Variants in RAPGEF1 observed in about 807,000 individuals in gnomAD.
RAPGEF1 encodes the protein CRK SH3-binding GNRP.
In RAPGEF1, 33 loss-of-function variants were observed where a neutral mutation model predicts 143.3. The ratio of observed to expected loss-of-function variants is 0.23; its 90% CI spans 0.17 to 0.31. The LOEUF is 0.31. RAPGEF1 is among the 10% of genes least tolerant of loss of function. RAPGEF1 has a pLI of 1.00. For synonymous variants in RAPGEF1, 629 were observed against 676.5 expected (o/e 0.93, Z 1.09); for missense variants, 1,199 against 1,645.4 (o/e 0.73, Z 4.69).
chr9:131,633,931 G>A (rs960405500), intron 5 of RAPGEF1, among the ~76,000 whole-genome samples: 3 of 152,218 alleles, frequency 2.0e-5, no homozygotes, highest in African/African-American at 7.2e-5. Context: ...TGAGAGGGAT[G>A]TCAGACTTTT....
At chr9:131,724,362 G>T (rs1315409931) in intron 1 of RAPGEF1, among the ~76,000 whole-genome samples, 3 of 152,308 alleles carry the variant, frequency 2.0e-5, no homozygotes, top group East Asian at 3.9e-4. Flanking sequence ...TTGGGAGGCC[G>T]AGGCAGGTGG....
chr9:131,677,976 C>T (rs1448596158), intron 1 of RAPGEF1, among the ~76,000 whole-genome samples: 1 of 152,222 alleles, frequency 6.6e-6, no homozygotes, highest in Non-Finnish European at 1.5e-5. Flanking sequence ...CACAGGTCAA[C>T]AAGCTCTTGT....
At chr9:131,720,039 C>G (rs1019167945) in intron 1 of RAPGEF1, among the ~76,000 whole-genome samples, 1 of 152,134 alleles carries the variant, frequency 6.6e-6, no homozygotes, top group Non-Finnish European at 1.5e-5. Context: ...GCATGGGCCA[C>G]CACACCCAGC....
chr9:131,621,965 G>A lies in RAPGEF1; in HGVS notation c.1736C>T (p.Ser579Leu), dbSNP rs769467724. The stretch of plus-strand genomic sequence containing the variant: ...GTAGAACATAGAGGGCTGCGGCTCC[G>A]AGTAGTCCTCCAGCAACTGCATGTA... ...LAYMQLLEDY[S>L]EPQPSMFYQT... is the part of the protein sequence containing the mutation. Residue 579 changes from serine to leucine, a missense_variant, in exon 11 of 27, where the codon TCG becomes TTG. Around this residue, in one of 6 missense-constraint regions of RAPGEF1, gnomAD observed 16 missense variants for 52.7 expected, o/e 0.30. Coordinates refer to ENST00000683357, the MANE Select transcript of RAPGEF1 (RefSeq NM_001377935.1). The surrounding 1 kb of genome is among the most constrained non-coding windows in gnomAD (Gnocchi z 4.5). 2.5e-6 allele frequency: 4 copies of A among 1,613,476 alleles called. No individual in the cohort carries two copies. The highest frequency in any genetic ancestry group is 1.7e-5 in the Admixed American group (1 of 59,932).
chr9:131,675,010 G>A lies in RAPGEF1; in HGVS notation c.62-24061C>T, dbSNP rs760391519. Among the ~76,000 whole-genome samples the A allele has an allele frequency of 1.3e-5, 2 of 152,158 alleles. No individual in the cohort carries two copies. Among genetic ancestry groups the A allele is most frequent in the African/African-American group, 2.4e-5 (1 of 41,418 alleles). On this transcript the variant is annotated intron_variant, in intron 1 of 26. Coordinates refer to ENST00000683357, the MANE Select transcript of RAPGEF1 (RefSeq NM_001377935.1). The surrounding 1 kb of genome is among the most constrained non-coding windows in gnomAD (Gnocchi z 4.6). The stretch of plus-strand genomic sequence containing the variant: ...ACTCCTGGGATGTGCAGGGACACTG[G>A]GGGGTTCTGGAGGAGCAGCTGGGAG...
intron 1 of RAPGEF1, among the ~76,000 whole-genome samples, chr9:131,695,281 A>G (rs1336191127): frequency 6.6e-6 from 1 of 152,166 alleles, no homozygotes; most frequent in Non-Finnish European, 1.5e-5. Context: ...AATCCCCGCC[A>G]ATGATTAGAA....
intron 1 of RAPGEF1, among the ~76,000 whole-genome samples, chr9:131,664,676 G>A (rs968657588): frequency 2.6e-5 from 4 of 152,150 alleles, no homozygotes; most frequent in African/African-American, 9.7e-5. Flanking sequence ...AAAGGTAAAA[G>A]TTCAAGATTT....
At chr9:131,652,944 G>GC in intron 1 of RAPGEF1, among the ~76,000 whole-genome samples, 1 of 152,102 alleles carries the variant, frequency 6.6e-6, no homozygotes, top group Non-Finnish European at 1.5e-5. Flanking sequence ...ATGTAATGAT[G>GC]GCTACATCAG....
chr9:131,728,124 G>A (rs1257477096), intron 1 of RAPGEF1, among the ~76,000 whole-genome samples: 1 of 152,178 alleles, frequency 6.6e-6, no homozygotes, highest in African/African-American at 2.4e-5. Flanking sequence ...TGGAGCAGGG[G>A]TTAAGGAAGA....
In RAPGEF1 at chr9:131,641,991, C is replaced by T. The variant is rs1347795397; in HGVS notation, c.494+1248G>A. On this transcript the variant is annotated intron_variant, in intron 4 of 26. Coordinates refer to ENST00000683357, the MANE Select transcript of RAPGEF1 (RefSeq NM_001377935.1). The surrounding 1 kb of genome is among the most constrained non-coding windows in gnomAD (Gnocchi z 4.6). ...TTCATAAAAGCTTAGCCTCATGGGG[C>T]TAAATGAACACTAAGTCATCTTGCG... is the stretch of plus-strand genomic sequence containing the variant. Among the ~76,000 whole-genome samples the T allele has an allele frequency of 2.0e-5, 3 of 152,216 alleles. No individual in the cohort carries two copies. Among genetic ancestry groups the T allele is most frequent in the African/African-American group, 7.2e-5 (3 of 41,458 alleles).
chr9:131,715,184 C>T (rs1244284860), intron 1 of RAPGEF1, among the ~76,000 whole-genome samples: 1 of 152,200 alleles, frequency 6.6e-6, no homozygotes, highest in Non-Finnish European at 1.5e-5. Flanking sequence ...CAGAGATTTA[C>T]TCAACAAATA....
intron 12 of RAPGEF1, among the ~76,000 whole-genome samples, chr9:131,610,301 C>G (rs1957837099): frequency 6.6e-6 from 1 of 151,944 alleles, no homozygotes; most frequent in African/African-American, 2.4e-5. Flanking sequence ...AGGCTGTCTG[C>G]TCATCAGCGG....
chr9:131,638,816 AAAAG>A, intron 4 of RAPGEF1, 25 bp from the exon 5 acceptor site: 1 of 1,608,438 alleles, frequency 6.2e-7, no homozygotes, highest in Non-Finnish European at 8.5e-7. Context: ...AGAATGGAAA[AAAAG>A]AAAATCTAAA....
At chr9:131,719,090 A>G (rs763896258) in intron 1 of RAPGEF1, among the ~76,000 whole-genome samples, 2 of 152,132 alleles carry the variant, frequency 1.3e-5, no homozygotes, top group African/African-American at 2.4e-5. Flanking sequence ...CACCTCAGCC[A>G]CCAGAGTAGC....
chr9:131,638,723 T>A lies in RAPGEF1; in HGVS notation c.563A>T (p.Gln188Leu), dbSNP rs771434527. ...TGAGTTCACGCCTTCCAGCATCACT[T>A]GGTCAGACCAGCGAATGAGGTTGGC... The part of the protein sequence containing the change: ...SLANLIRWSD[Q>L]VMLEGVNSED... Residue 188 changes from glutamine (Q) to leucine (L), a missense_variant, in exon 5 of 27, where the codon CAA becomes CTA. By Grantham distance (113) the Gln-to-Leu change is moderately radical (BLOSUM62 -2). Transcript: ENST00000683357. 2 of 1,614,038 alleles carry A rather than the reference T, an allele frequency of 1.2e-6. No individual in the cohort carries two copies. Among genetic ancestry groups the A allele is most frequent in the Non-Finnish European group, 1.7e-6 (2 of 1,179,902 alleles).
chr9:131,708,925 G>T (rs568136833), intron 1 of RAPGEF1, among the ~76,000 whole-genome samples: 1 of 152,152 alleles, frequency 6.6e-6, no homozygotes, highest in Admixed American at 6.5e-5. Context: ...TAGAGACGGG[G>T]TTTCGCCAGG....
intron 1 of RAPGEF1, among the ~76,000 whole-genome samples, chr9:131,676,405 A>G (rs1832364353): frequency 6.6e-6 from 1 of 152,194 alleles, no homozygotes; most frequent in African/African-American, 2.4e-5. Flanking sequence ...AGCCCCAAGC[A>G]CCCCGGCTGT....
Position 131,625,977 on chromosome 9 carries a change from C to T in RAPGEF1, c.1647G>A (p.Glu549=), listed in dbSNP as rs771277126. ...GTGGTTTTTCTGGGTCACCGGTTGA[C>T]TCAGGAGCAGTAAAATCACCCACAA... The part of the protein sequence containing the change: ...VEFVGDFTAP[E]STGDPEKPPP... Residue 549 remains glutamate (E), a synonymous_variant, in exon 10 of 27, where the codon GAG becomes GAA. Transcript: ENST00000683357. 6.2e-7 allele frequency: 1 copy of T among 1,605,740 alleles called. No individual in the cohort carries two copies. Among genetic ancestry groups the T allele is most frequent in the Non-Finnish European group, 8.5e-7 (1 of 1,173,024 alleles).
intron 9 of RAPGEF1, 67 bp downstream of exon 9, chr9:131,627,846 C>T (rs1229343531): frequency 3.2e-5 from 48 of 1,506,748 alleles, no homozygotes; most frequent in African/African-American, 5.6e-5. Context: ...GGACTCCCAC[C>T]CAGGACTGTA....
Sources: gnomAD v4.1 joint callset for allele counts (sites outside exome capture counted in the v4.1 genomes callset) on GRCh38, gnomAD v4.1.1 for gene constraint, gnomAD v4.1.1 regional missense constraint, Gnocchi (gnomAD v3.1) non-coding constraint, MANE v1.5 for transcripts, NCBI Gene and HGNC (gene_info 2026-07-23, HGNC 2026-07-21) for gene names.